The following CYP2F1 variants were observed in gnomAD, a reference collection of about 807,000 sequenced individuals.
CYP2F1 encodes cytochrome P450 2F1.
In CYP2F1, 33 loss-of-function variants were observed where a neutral mutation model predicts 40.4. The ratio of observed to expected loss-of-function variants is 0.82; its 90% CI spans 0.62 to 1.09. The LOEUF is 1.09. Ranked by LOEUF, CYP2F1 falls within the 50% of genes least tolerant of loss-of-function variation. The probability of loss-of-function intolerance (pLI) is 0.00; values close to 1 mark genes in which losing one functional copy is unlikely to be tolerated. For missense variants in CYP2F1, 566 were observed against 655.7 expected, an observed-to-expected ratio of 0.86 and a Z score of 1.49; for synonymous variants, 235 against 277.2, an observed-to-expected ratio of 0.85 and a Z score of 1.51.
chr19:41,127,369 G>A (rs1404676385), intron 9 of CYP2F1, among the ~76,000 whole-genome samples: 1 of 152,122 alleles, frequency 6.6e-6, no homozygotes, highest in African/African-American at 2.4e-5. Flanking sequence ...ACAGGGTCTT[G>A]CTGTCACCCA....
At chr19:41,126,708 A>G (rs2032558878) in intron 9 of CYP2F1, among the ~76,000 whole-genome samples, 1 of 152,038 alleles carries the variant, frequency 6.6e-6, no homozygotes, top group African/African-American at 2.4e-5. Context: ...GAGTATGATC[A>G]TGCCACTGCA....
intron 1 of CYP2F1, among the ~76,000 whole-genome samples, chr19:41,115,193 ATC>A (rs2031720905): frequency 6.7e-6 from 1 of 149,860 alleles, no homozygotes; most frequent in African/African-American, 2.5e-5. Flanking sequence ...GTCTTTGTGT[ATC>A]TGTTTCTGTC....
At position 41,124,751 on chromosome 19, in the gene CYP2F1, G is replaced by A. The variant is rs1186042769; in HGVS notation, c.997G>A (p.Gly333Arg). ...RVQEEIDLVVGRARLPALKDR... is the reference protein window; with the variant it reads ...RVQEEIDLVVRRARLPALKDR... ...GCAGGAGGAGATCGACCTCGTGGTG[G>A]GACGCGCGCGGCTGCCGGCGCTGAA... The change falls in exon 8 of 10, where the codon GGA becomes AGA. Residue 333 changes from glycine (G) to arginine (R), a missense_variant. This residue lies in a region of CYP2F1 where 128 missense variants were observed against 121.0 expected (regional missense o/e 1.06). Coordinates refer to ENST00000331105, the MANE Select transcript of CYP2F1 (RefSeq NM_000774.5). The A allele has an allele frequency of 1.9e-6, 3 of 1,605,532 alleles. No homozygotes were observed. Among genetic ancestry groups the A allele is most frequent in the Admixed American group, 3.3e-5 (2 of 59,904 alleles).
chr19:41,124,453 T>C (rs986737110), intron 7 of CYP2F1, among the ~76,000 whole-genome samples: 2 of 151,780 alleles, frequency 1.3e-5, no homozygotes, highest in Non-Finnish European at 2.9e-5. Context: ...GTTGTGGAGA[T>C]TGGGTTTCAC....
intron 3 of CYP2F1, among the ~76,000 whole-genome samples, chr19:41,119,468 G>A (rs992598133): frequency 1.1e-4 from 17 of 151,778 alleles, no homozygotes; most frequent in African/African-American, 4.1e-4. Context: ...CAAAAATTAG[G>A]CCAGGCGCAG....
chr19:41,125,659 C>G (rs2032512534), intron 9 of CYP2F1, 25 bp downstream of exon 9: 1 of 1,613,786 alleles, frequency 6.2e-7, no homozygotes, highest in African/African-American at 1.3e-5. Flanking sequence ...CAGAGTCTTT[C>G]TGGCCCAATT....
chr19:41,119,463 AT>A (rs1286836026), intron 3 of CYP2F1, among the ~76,000 whole-genome samples: 1 of 151,676 alleles, frequency 6.6e-6, no homozygotes, highest in Non-Finnish European at 1.5e-5. Context: ...AAATACAAAA[AT>A]TAGGCCAGGC....
intron 3 of CYP2F1, among the ~76,000 whole-genome samples, 196 bp downstream of exon 3, chr19:41,116,813 C>T (rs1167735215): frequency 6.6e-6 from 1 of 152,112 alleles, no homozygotes; most frequent in Non-Finnish European, 1.5e-5. Flanking sequence ...GATCCCACCA[C>T]TTTCCTGAAT....
At chr19:41,119,738 T>TAC (rs1568377388) in intron 3 of CYP2F1, among the ~76,000 whole-genome samples, 2 of 73,336 alleles carry the variant, frequency 2.7e-5, no homozygotes, top group East Asian at 4.7e-4. Context: ...TATATATATA[T>TAC]ATATATATAT....
intron 7 of CYP2F1, 185 bp downstream of exon 7, chr19:41,123,148 C>T (rs1313753168): frequency 1.4e-6 from 1 of 729,416 alleles, no homozygotes; most frequent in Non-Finnish European, 2.4e-6. Flanking sequence ...TCCATGCAGC[C>T]TGCCCGAATC....
chr19:41,123,708 G>C (rs1447673105), intron 7 of CYP2F1, among the ~76,000 whole-genome samples: 1 of 152,024 alleles, frequency 6.6e-6, no homozygotes, highest in Non-Finnish European at 1.5e-5. Context: ...ATTTTTTGTA[G>C]AGACAGGGTC....
At chr19:41,116,641 C>T (rs375742886) in intron 3 of CYP2F1, 24 bp downstream of exon 3, 90 of 1,610,128 alleles carry the variant, frequency 5.6e-5, no homozygotes, top group South Asian at 2.1e-4. Context: ...TTGTCTCCTC[C>T]GCTCTCGGCC....
At chr19:41,116,029 C>A in intron 1 of CYP2F1, 149 bp from the exon 2 acceptor site, 1 of 659,860 alleles carries the variant, frequency 1.5e-6, no homozygotes, top group Non-Finnish European at 2.5e-6. Context: ...TTCCTCCTTT[C>A]TCCCTCCCTT....
chr19:41,128,256 C>A lies in CYP2F1; in HGVS notation c.*174C>A. 1 of 600,552 alleles carries A rather than the reference C, an allele frequency of 1.7e-6. No individual in the cohort carries two copies. The highest frequency in any genetic ancestry group is 2.8e-6 in the Non-Finnish European group (1 of 354,502). 37.2% of individuals were successfully genotyped at this position (600,552 alleles called of 1,614,324 possible). ...ATCCCTCCAATCTGTGCCCCGTCTGCAGGGCAGAGGCAGATGTGGCATGTC... is the reference window on the plus strand; with the variant it reads ...ATCCCTCCAATCTGTGCCCCGTCTGAAGGGCAGAGGCAGATGTGGCATGTC... On this transcript the variant is annotated 3_prime_UTR_variant, in exon 10 of 10. Coordinates refer to ENST00000331105, the MANE Select transcript of CYP2F1 (RefSeq NM_000774.5).
At chr19:41,125,003 C>A (rs2032472885) in intron 8 of CYP2F1, 97 bp downstream of exon 8, 1 of 1,094,150 alleles carries the variant, frequency 9.1e-7, no homozygotes, top group Non-Finnish European at 1.3e-6. Context: ...GCCATGAACA[C>A]CCCAGGCCTT....
At position 41,128,215 on chromosome 19, in the gene CYP2F1, C is replaced by T. The variant is rs1422559655; in HGVS notation, c.*133C>T. On this transcript the variant is annotated 3_prime_UTR_variant, in exon 10 of 10. Transcript: ENST00000331105. The stretch of plus-strand genomic sequence containing the variant: ...TGTCTTCCCTGCATGCTGTGCCTGC[C>T]GCGTGCCCTTCCCCCATCCCTCCAA... 36 of 838,596 alleles carry T rather than the reference C, an allele frequency of 4.3e-5. No homozygotes were observed. The highest frequency in any genetic ancestry group is 5.7e-5 in the Non-Finnish European group (32 of 563,264). 51.9% of individuals were successfully genotyped at this position (838,596 alleles called of 1,614,324 possible).
intron 6 of CYP2F1, among the ~76,000 whole-genome samples, chr19:41,122,539 T>C (rs1330941720): frequency 4.0e-5 from 6 of 151,714 alleles, no homozygotes; most frequent in Non-Finnish European, 7.4e-5. Flanking sequence ...CACACATACA[T>C]ACATACATCA....
At chr19:41,118,254 G>A (rs542986950) in intron 3 of CYP2F1, among the ~76,000 whole-genome samples, 5 of 151,954 alleles carry the variant, frequency 3.3e-5, no homozygotes, top group African/African-American at 7.2e-5. Context: ...AGGAAGAAAG[G>A]AAAAAGGAAA....
At chr19:41,118,753 A>C (rs1400678283) in intron 3 of CYP2F1, among the ~76,000 whole-genome samples, 1 of 152,240 alleles carries the variant, frequency 6.6e-6, no homozygotes, top group Non-Finnish European at 1.5e-5. Context: ...CTTGGGCCAG[A>C]GGCCTCCCTT....
Sources: gnomAD v4.1 joint callset for allele counts (sites outside exome capture counted in the v4.1 genomes callset) on GRCh38, gnomAD v4.1.1 for gene constraint, gnomAD v4.1.1 regional missense constraint, MANE v1.5 for transcripts, NCBI Gene and HGNC (gene_info 2026-07-23, HGNC 2026-07-21) for gene names.